The following ACER3 variants were observed in gnomAD, a reference collection of about 807,000 sequenced individuals.
ACER3 encodes the protein alkCDase 3.
A neutral mutation model predicts 48.9 loss-of-function variants in ACER3; 16 were observed. The observed-to-expected ratio is 0.33, with a 90% CI of 0.22 to 0.50. ACER3 has a LOEUF of 0.50. Ranked by LOEUF, ACER3 falls within the 20% of genes least tolerant of loss-of-function variation. The probability of loss-of-function intolerance (pLI) is 0.98; values close to 1 mark genes in which losing one functional copy is unlikely to be tolerated. For missense variants in ACER3, 227 were observed against 326.0 expected, an observed-to-expected ratio of 0.70 and a Z score of 2.34; for synonymous variants, 109 against 107.8, an observed-to-expected ratio of 1.01 and a Z score of -0.07.
At chr11:76,913,864 G>A (rs1190082822) in intron 1 of ACER3, among the ~76,000 whole-genome samples, 1 of 152,158 alleles carries the variant, frequency 6.6e-6, no homozygotes, top group African/African-American at 2.4e-5. Context: ...TAGACCAGTG[G>A]AATAGAACAG....
At position 76,988,415 on chromosome 11, in the gene ACER3, TG is replaced by T. The variant is rs1241872632; in HGVS notation, c.403-2120del. Among the ~76,000 whole-genome samples the T allele has an allele frequency of 5.3e-5, 8 of 152,296 alleles. No individual in the cohort carries two copies. In the East Asian group the frequency reaches 1.5e-3, roughly 29 times the overall value. ...TAATTGACTCACAGTTCCGCATGGC[TG>T]GGGAGGCCTCTGGAAACTTAACAAA... is the stretch of plus-strand genomic sequence containing the variant. On this transcript the variant is annotated intron_variant, in intron 5 of 10. Coordinates refer to ENST00000532485, the MANE Select transcript of ACER3 (RefSeq NM_018367.7).
chr11:76,947,196 A>T (rs964684906), intron 2 of ACER3, among the ~76,000 whole-genome samples: 2 of 152,114 alleles, frequency 1.3e-5, no homozygotes, highest in African/African-American at 4.8e-5. Context: ...CTTTTCCTTC[A>T]CAGTGCCTGA....
intron 2 of ACER3, among the ~76,000 whole-genome samples, chr11:76,930,952 G>A (rs1376962199): frequency 6.6e-6 from 1 of 150,974 alleles, no homozygotes; most frequent in African/African-American, 2.4e-5. Flanking sequence ...TTGATTTGGG[G>A]TGGAGAGTTC....
intron 2 of ACER3, among the ~76,000 whole-genome samples, chr11:76,928,080 G>A (rs1046850835): frequency 2.0e-5 from 3 of 152,160 alleles, no homozygotes; most frequent in African/African-American, 7.2e-5. Flanking sequence ...CCCACCGACA[G>A]TATAAAAGTG....
chr11:76,876,053 C>T (rs927891627), intron 1 of ACER3, among the ~76,000 whole-genome samples: 3 of 152,112 alleles, frequency 2.0e-5, no homozygotes, highest in African/African-American at 4.8e-5. Context: ...CCTCAGCCTC[C>T]CAAAGTGCTG....
chr11:76,959,108 A>C, intron 3 of ACER3, 77 bp downstream of exon 3: 1 of 1,606,212 alleles, frequency 6.2e-7, no homozygotes, highest in Non-Finnish European at 8.5e-7. Context: ...AGAGCACATA[A>C]CTATGGCTAA....
At chr11:76,921,024 G>GTA (rs1946674401) in intron 1 of ACER3, among the ~76,000 whole-genome samples, 1 of 152,098 alleles carries the variant, frequency 6.6e-6, no homozygotes, top group Non-Finnish European at 1.5e-5. Flanking sequence ...TAGCTAACAT[G>GTA]TATAGCTATA....
chr11:76,871,545 A>G (rs963625524), intron 1 of ACER3, among the ~76,000 whole-genome samples: 7 of 152,212 alleles, frequency 4.6e-5, no homozygotes, highest in African/African-American at 1.7e-4. Context: ...TTAAGTTATT[A>G]TTTAAATCCC....
At chr11:76,931,744 T>C (rs2134847908) in intron 2 of ACER3, among the ~76,000 whole-genome samples, 1 of 152,160 alleles carries the variant, frequency 6.6e-6, no homozygotes, top group East Asian at 1.9e-4. Flanking sequence ...TGGCTGGATA[T>C]GAAATTCTGT....
At chr11:76,877,227 A>G (rs1237307691) in intron 1 of ACER3, among the ~76,000 whole-genome samples, 1 of 152,148 alleles carries the variant, frequency 6.6e-6, no homozygotes, top group Non-Finnish European at 1.5e-5. Flanking sequence ...GAAGCTGGAA[A>G]AAAAATCTTT....
chr11:76,869,598 C>A (rs1463625531), intron 1 of ACER3, among the ~76,000 whole-genome samples: 1 of 152,270 alleles, frequency 6.6e-6, no homozygotes, highest in Admixed American at 6.5e-5. Flanking sequence ...CAGAACTCTT[C>A]ATCTTACAAA....
At chr11:76,900,189 A>G (rs756125261) in intron 1 of ACER3, among the ~76,000 whole-genome samples, 1 of 151,950 alleles carries the variant, frequency 6.6e-6, no homozygotes, top group African/African-American at 2.4e-5. Flanking sequence ...AAGAGAAAAT[A>G]TATTTACTAT....
intron 5 of ACER3, among the ~76,000 whole-genome samples, chr11:76,989,612 G>A (rs4945129): frequency 0.71 from 108,093 of 152,070 alleles, 38,815 homozygotes; most frequent in Non-Finnish European, 0.77. Context: ...ATACAGAAGC[G>A]TGAAACTAGC....
At chr11:76,874,287 AAGAATGGTTATG>A (rs1011385842) in intron 1 of ACER3, among the ~76,000 whole-genome samples, 1 of 152,198 alleles carries the variant, frequency 6.6e-6, no homozygotes, top group African/African-American at 2.4e-5. Flanking sequence ...AACTGATAAA[AAGAATGGTTATG>A]AGATTTAAAT....
chr11:76,932,123 AT>A (rs1417402190), intron 2 of ACER3, among the ~76,000 whole-genome samples: 4 of 151,758 alleles, frequency 2.6e-5, no homozygotes, highest in African/African-American at 7.2e-5. Flanking sequence ...TAATTTTTGT[AT>A]TTTTTTGTAG....
chr11:76,935,159 G>T (rs1163017636), intron 2 of ACER3, among the ~76,000 whole-genome samples: 1 of 151,814 alleles, frequency 6.6e-6, no homozygotes, highest in African/African-American at 2.4e-5. Context: ...AATAGGGGCT[G>T]TTGTAGAAAG....
intron 7 of ACER3, among the ~76,000 whole-genome samples, chr11:77,004,372 C>T (rs543442700): frequency 6.6e-6 from 1 of 152,326 alleles, no homozygotes; most frequent in East Asian, 1.9e-4. Flanking sequence ...AGTCAAGAGC[C>T]AGTCCTTTCT....
At position 77,022,960 on chromosome 11, in the gene ACER3, G is replaced by A. The variant is rs2135350267; in HGVS notation, c.*2633G>A. On this transcript the variant is annotated 3_prime_UTR_variant, in exon 11 of 11. Coordinates refer to ENST00000532485, the MANE Select transcript of ACER3 (RefSeq NM_018367.7). ...TTGCACATCTGAATATCCTTCTTGT[G>A]CCTCCATTTTCACTCTTGAAAACTG... 5.1e-6 allele frequency: 2 copies of A among 393,298 alleles called. No individual in the cohort carries two copies. Among genetic ancestry groups the A allele is most frequent in the East Asian group, 7.2e-5 (2 of 27,764 alleles). The allele number at this position is 393,298 out of a possible 1,614,324, so 24.4% of individuals were successfully genotyped here. A position where few individuals can be genotyped will look rare whatever the true frequency, so the allele number is the denominator to read the frequency against.
At chr11:76,992,116 GCAGGAGGATCCCTTGAGCC>G (rs200630409) in intron 6 of ACER3, among the ~76,000 whole-genome samples, 8,497 of 151,932 alleles carry the variant, frequency 0.056, 821 homozygotes, top group African/African-American at 0.19. Context: ...GGAAGCTGAG[GCAGGAGGATCCCTTGAGCC>G]CAGGAGGATC....
Sources: gnomAD v4.1 joint callset for allele counts (sites outside exome capture counted in the v4.1 genomes callset) on GRCh38, gnomAD v4.1.1 for gene constraint, MANE v1.5 for transcripts, NCBI Gene and HGNC (gene_info 2026-07-23, HGNC 2026-07-21) for gene names.